The following LRBA variants were observed in gnomAD, a reference collection of about 807,000 sequenced individuals.
LRBA encodes the protein LPS responsive beige-like anchor protein, also known as lipopolysaccharide-responsive and beige-like anchor protein.
In LRBA, 176 loss-of-function variants were observed where a neutral mutation model predicts 330.0. That is an observed-to-expected ratio of 0.53 (90% CI 0.47 to 0.60). The LOEUF (loss-of-function observed/expected upper bound fraction) is 0.60. Ranked by LOEUF, LRBA falls within the 20% of genes least tolerant of loss-of-function variation. The pLI is 0.00. For synonymous variants in LRBA, 1,230 were observed against 1,193.0 expected (o/e 1.03, Z -0.64); for missense variants, 3,259 against 3,444.8 (o/e 0.95, Z 1.35).
At chr4:150,927,292 G>A (rs1733986404) in intron 4 of LRBA, among the ~76,000 whole-genome samples, 2 of 151,032 alleles carry the variant, frequency 1.3e-5, no homozygotes, top group African/African-American at 4.9e-5. Context: ...AGGATGGCAT[G>A]AACCCGGGAG....
In LRBA at chr4:150,629,995, CAT is replaced by C. The variant is rs1412630014; in HGVS notation, c.5922-30866_5922-30865del. Reference sequence around the variant, plus strand: ...CAAAAAACAACAACAACAACAAAAACATATTGCAAACCCAGCTCCCTTCTGTT... The same window carrying C: ...CAAAAAACAACAACAACAACAAAAACATTGCAAACCCAGCTCCCTTCTGTT... On this transcript the variant is annotated intron_variant, in intron 37 of 56. Transcript: ENST00000651943. Among the ~76,000 whole-genome samples, 38 of 152,130 alleles carry C rather than the reference CAT, an allele frequency of 2.5e-4. No homozygotes were observed. In the East Asian group the frequency reaches 7.2e-3, roughly 29 times the overall value.
intron 40 of LRBA, among the ~76,000 whole-genome samples, chr4:150,527,287 A>C (rs1327203567): frequency 6.6e-6 from 1 of 152,208 alleles, no homozygotes; most frequent in Non-Finnish European, 1.5e-5. Flanking sequence ...CATCTCTGCC[A>C]GAGGGCTCTG....
chr4:150,472,777 A>G (rs1756290634), intron 42 of LRBA, among the ~76,000 whole-genome samples: 1 of 152,062 alleles, frequency 6.6e-6, no homozygotes, highest in Admixed American at 6.6e-5. Context: ...TCTTTCACTA[A>G]ACATAATGTC....
intron 40 of LRBA, among the ~76,000 whole-genome samples, chr4:150,552,403 C>A (rs1401428096): frequency 6.6e-6 from 1 of 152,048 alleles, no homozygotes; most frequent in African/African-American, 2.4e-5. Flanking sequence ...AAAATGCTCA[C>A]CATCACTGGC....
intron 4 of LRBA, among the ~76,000 whole-genome samples, chr4:150,922,699 T>C (rs1226733762): frequency 6.6e-6 from 1 of 151,920 alleles, no homozygotes; most frequent in African/African-American, 2.4e-5. Flanking sequence ...CACCAAAATC[T>C]CACAAATCAC....
intron 40 of LRBA, among the ~76,000 whole-genome samples, chr4:150,509,875 G>A (rs1489139600): frequency 6.6e-6 from 1 of 152,188 alleles, no homozygotes. Context: ...TGTGGCTCAC[G>A]CCTGTAATCC....
rs184490338 is a variant in LRBA, at chr4:150,580,237, A to G, written c.6330+7811T>C. ...AGTCCAAGAGTCGCGCGGACACTTA[A>G]TTCTGACTCTTCTTCCTAATCGCGG... is the stretch of plus-strand genomic sequence containing the variant. On this transcript the variant is annotated intron_variant, in intron 40 of 56. Coordinates refer to ENST00000651943, the MANE Select transcript of LRBA (RefSeq NM_001364905.1). 2 of 152,472 alleles carry G rather than the reference A, an allele frequency of 1.3e-5. 1 individual carries two copies. Among genetic ancestry groups the G allele is most frequent in the Admixed American group, 1.3e-4 (2 of 15,318 alleles). 9.4% of individuals were successfully genotyped at this position (152,472 alleles called of 1,614,324 possible).
chr4:150,468,871 T>C (rs1239089559), intron 43 of LRBA, among the ~76,000 whole-genome samples: 3 of 152,036 alleles, frequency 2.0e-5, no homozygotes, highest in African/African-American at 7.2e-5. Flanking sequence ...CATCTTAGGC[T>C]TGAGGCCTAT....
chr4:150,336,567 G>A (rs1734778529), intron 48 of LRBA, among the ~76,000 whole-genome samples: 1 of 152,022 alleles, frequency 6.6e-6, no homozygotes, highest in Non-Finnish European at 1.5e-5. Flanking sequence ...AAGAAAAGGG[G>A]GAGAAGGAAA....
intron 33 of LRBA, among the ~76,000 whole-genome samples, chr4:150,804,057 C>T (rs1742179447): frequency 6.6e-6 from 1 of 151,660 alleles, no homozygotes; most frequent in Non-Finnish European, 1.5e-5. Context: ...GTTGTTACAC[C>T]ATTTAAAAAA....
chr4:150,689,401 A>G (rs1018638378), intron 36 of LRBA, among the ~76,000 whole-genome samples: 2 of 152,276 alleles, frequency 1.3e-5, no homozygotes. Flanking sequence ...TGGAACATGT[A>G]TAACTATGTA....
chr4:150,781,210 A>G (rs1236891363), intron 34 of LRBA, among the ~76,000 whole-genome samples: 3 of 152,148 alleles, frequency 2.0e-5, no homozygotes, highest in Admixed American at 2.0e-4. Context: ...ACATTGTACT[A>G]TGTAGCAAAA....
At chr4:150,736,959 A>G (rs2127147571) in intron 35 of LRBA, among the ~76,000 whole-genome samples, 1 of 152,304 alleles carries the variant, frequency 6.6e-6, no homozygotes. Flanking sequence ...CACACCTGTA[A>G]TCCCAGCACT....
chr4:150,880,461 A>G (rs1728238839), intron 17 of LRBA, among the ~76,000 whole-genome samples: 1 of 150,970 alleles, frequency 6.6e-6, no homozygotes, highest in Admixed American at 6.6e-5. Context: ...CAGAGGCTGT[A>G]GTGAGCTGTG....
Position 150,403,404 on chromosome 4 carries a change from G to A in LRBA, c.7194+12034C>T, listed in dbSNP as rs886275596. Among the ~76,000 whole-genome samples, 6 of 152,268 alleles carry A rather than the reference G, an allele frequency of 3.9e-5. No individual in the cohort carries two copies. The South Asian group carries it at 1.0e-3, about 26-fold the overall frequency. On this transcript the variant is annotated intron_variant, in intron 47 of 56. Coordinates refer to ENST00000651943, the MANE Select transcript of LRBA (RefSeq NM_001364905.1). ...ATTATCATTAGCCCCTCGCAGAAAC[G>A]ATGACTACCAGCTGTAACTGGCAGC...
chr4:150,955,227 C>T (rs115342064), intron 2 of LRBA, among the ~76,000 whole-genome samples: 3,771 of 148,652 alleles, frequency 0.025, 632 homozygotes, highest in African/African-American at 0.094. Context: ...GCCACCATCA[C>T]ACCACTGCAC....
intron 41 of LRBA, among the ~76,000 whole-genome samples, chr4:150,489,589 T>TATTATATATATGAATATATAA (rs70941410): frequency 1.6e-5 from 1 of 60,762 alleles, no homozygotes; most frequent in East Asian, 4.7e-4. Context: ...ATATAATATA[T>TATTATATATATGAATATATAA]TATATAAGAA....
chr4:150,357,439 T>C (rs1420612317), intron 47 of LRBA, among the ~76,000 whole-genome samples: 1 of 151,992 alleles, frequency 6.6e-6, no homozygotes, highest in Non-Finnish European at 1.5e-5. Context: ...ACTTGTACAA[T>C]TACCTTCCTT....
intron 37 of LRBA, among the ~76,000 whole-genome samples, chr4:150,617,975 G>A (rs533939644): frequency 5.3e-5 from 8 of 151,974 alleles, no homozygotes; most frequent in African/African-American, 9.7e-5. Flanking sequence ...GAGATGGTGC[G>A]AGCCTGTAGT....
Sources: gnomAD v4.1 joint callset for allele counts (sites outside exome capture counted in the v4.1 genomes callset) on GRCh38, gnomAD v4.1.1 for gene constraint, MANE v1.5 for transcripts, NCBI Gene and HGNC (gene_info 2026-07-23, HGNC 2026-07-21) for gene names.